The following ARHGEF10 variants were observed in gnomAD, a reference collection of about 807,000 sequenced individuals.
The protein encoded by ARHGEF10 is Rho guanine nucleotide exchange factor 10.
ARHGEF10 carries 140 observed loss-of-function variants against 147.4 expected under a neutral mutation model. The ratio of observed to expected loss-of-function variants is 0.95; its 90% CI spans 0.83 to 1.09. The LOEUF (loss-of-function observed/expected upper bound fraction) is 1.09. Among genes scored for constraint, ARHGEF10 ranks in the 50% least tolerant of loss-of-function variants. ARHGEF10 has a pLI of 0.00. For missense variants in ARHGEF10, 2,222 were observed against 1,752.7 expected (o/e 1.27, Z -4.78); for synonymous variants, 902 against 695.8 (o/e 1.30, Z -4.67).
At chr8:1,857,852 A>G in intron 2 of ARHGEF10, 108 bp from the exon 3 acceptor site, 1 of 1,060,006 alleles carries the variant, frequency 9.4e-7, no homozygotes. Context: ...GAACTTAGTC[A>G]GTGTCTCTGG....
At chr8:1,922,218 G>A (rs778892808) in intron 18 of ARHGEF10, among the ~76,000 whole-genome samples, 9 of 151,140 alleles carry the variant, frequency 6.0e-5, no homozygotes, top group Non-Finnish European at 8.8e-5. Flanking sequence ...CCCGGGACAC[G>A]CGTCGTTCCT....
At chr8:1,887,546 C>A (rs1293924208) in intron 11 of ARHGEF10, among the ~76,000 whole-genome samples, 2 of 134,620 alleles carry the variant, frequency 1.5e-5, no homozygotes, top group East Asian at 5.8e-4. Flanking sequence ...TGAGGAAACA[C>A]TGAGTTGGGT....
chr8:1,950,524 T>A (rs1814946741), intron 27 of ARHGEF10, among the ~76,000 whole-genome samples: 2 of 149,900 alleles, frequency 1.3e-5, no homozygotes, highest in South Asian at 4.2e-4. Context: ...TTTTTATTAT[T>A]TATTTATTTA....
At position 1,948,106 on chromosome 8, in the gene ARHGEF10, C is replaced by T. The variant is rs543456869; in HGVS notation, c.3397+2451C>T. 3.9e-5 allele frequency among the ~76,000 whole-genome samples: 6 copies of T among 152,150 alleles called. No homozygotes were observed. Among genetic ancestry groups the T allele is most frequent in the Admixed American group, 6.5e-5 (1 of 15,290 alleles). ...CACCCTTCAGCTCATAGTTTCCAGGCGGCCGATGATGGATCCATCCCAAGC... is the reference window on the plus strand; with the variant it reads ...CACCCTTCAGCTCATAGTTTCCAGGTGGCCGATGATGGATCCATCCCAAGC... On this transcript the variant is annotated intron_variant, in intron 27 of 28. Transcript: ENST00000349830. The surrounding 1 kb of genome is among the most constrained non-coding windows in gnomAD (Gnocchi z 4.9).
chr8:1,880,222 C>T (rs894168091), intron 9 of ARHGEF10, 58 bp downstream of exon 9: 309 of 1,241,074 alleles, frequency 2.5e-4, no homozygotes, highest in Middle Eastern at 7.2e-4. Flanking sequence ...AAAGAAAAAC[C>T]GCGCGGCTCG....
intron 9 of ARHGEF10, among the ~76,000 whole-genome samples, 156 bp downstream of exon 9, chr8:1,880,320 T>C (rs981419481): frequency 6.6e-6 from 1 of 152,244 alleles, no homozygotes; most frequent in African/African-American, 2.4e-5. Context: ...ACGTGGACTC[T>C]GAGACGCTCT....
intron 11 of ARHGEF10, among the ~76,000 whole-genome samples, 174 bp from the exon 12 acceptor site, chr8:1,893,395 T>C (rs748155093): frequency 6.6e-6 from 1 of 152,228 alleles, no homozygotes; most frequent in Non-Finnish European, 1.5e-5. Context: ...TATAATTGTA[T>C]TAATGGGGCG....
intron 4 of ARHGEF10, among the ~76,000 whole-genome samples, chr8:1,860,411 GC>G (rs1179700941): frequency 1.5e-5 from 2 of 130,686 alleles, no homozygotes; most frequent in African/African-American, 6.4e-5. Context: ...TCCTCTCCAT[GC>G]CCCCGATGTG....
chr8:1,954,677 C>G (rs547099929), intron 28 of ARHGEF10, among the ~76,000 whole-genome samples: 1 of 152,346 alleles, frequency 6.6e-6, no homozygotes, highest in South Asian at 2.1e-4. Flanking sequence ...GCCCTCTCTG[C>G]TCACAACCCT....
At chr8:1,843,641 C>T (rs903447423) in intron 2 of ARHGEF10, among the ~76,000 whole-genome samples, 3 of 152,334 alleles carry the variant, frequency 2.0e-5, no homozygotes, top group Non-Finnish European at 4.4e-5. Flanking sequence ...GAGCCTCTTG[C>T]GTTCCTCACA....
At chr8:1,854,027 G>C (rs944252261) in intron 2 of ARHGEF10, among the ~76,000 whole-genome samples, 1 of 152,228 alleles carries the variant, frequency 6.6e-6, no homozygotes. Flanking sequence ...GGACACAATT[G>C]AACCTGTCAG....
rs1334202625 is a variant in ARHGEF10, at chr8:1,840,505, A to ACTGTCCGGTGTGGAAT, written c.-47-2834_-47-2819dup. On this transcript the variant is annotated intron_variant, in intron 1 of 28. Transcript: ENST00000349830. ...TGTGTGGAAGCTGTCCGGTGTGGGG[A>ACTGTCCGGTGTGGAAT]CTGTCCGGTGTGGAATCTGTCCGGT... 4.9e-3 allele frequency among the ~76,000 whole-genome samples: 671 copies of ACTGTCCGGTGTGGAAT among 138,090 alleles called. 25 individuals are homozygous for ACTGTCCGGTGTGGAAT. The highest frequency in any genetic ancestry group is 0.018 in the African/African-American group (635 of 36,046). 90.6% of individuals were successfully genotyped at this position (138,090 alleles called of 152,430 possible).
In ARHGEF10 at chr8:1,905,603, A is replaced by G. The variant is rs1223298457; in HGVS notation, c.1854A>G (p.Arg618=). The G allele has an allele frequency of 1.1e-5, 17 of 1,614,108 alleles. No homozygotes were observed. Among genetic ancestry groups the G allele is most frequent in the Non-Finnish European group, 1.4e-5 (16 of 1,180,050 alleles). ...GCAGTGGAAGCCGATACCTCATTCG[A>G]TCAGATGATATGATAGAAACAGTTT... ...LLSSGSRYLI[R]SDDMIETVYN... is the part of the protein sequence containing the mutation. The change falls in exon 17 of 29, where the codon CGA becomes CGG. Residue 618 remains arginine (R), a synonymous_variant. Coordinates refer to ENST00000349830, the MANE Select transcript of ARHGEF10 (RefSeq NM_014629.4).
chr8:1,912,783 A>C (rs532875563), intron 18 of ARHGEF10, among the ~76,000 whole-genome samples: 3 of 152,216 alleles, frequency 2.0e-5, no homozygotes, highest in African/African-American at 7.2e-5. Context: ...TAAGCTCCCA[A>C]ACTCCCTGAT....
At chr8:1,946,220 C>T (rs950426392) in intron 27 of ARHGEF10, among the ~76,000 whole-genome samples, 3 of 152,230 alleles carry the variant, frequency 2.0e-5, no homozygotes, top group Non-Finnish European at 2.9e-5. Flanking sequence ...GCTTCTTTCA[C>T]GGGTAGCCGG....
intron 9 of ARHGEF10, among the ~76,000 whole-genome samples, chr8:1,881,543 G>A (rs78477042): frequency 0.024 from 3,679 of 152,316 alleles, 56 homozygotes; most frequent in African/African-American, 0.052. Flanking sequence ...TGTGGGGTTG[G>A]GAGATGCAGG....
chr8:1,933,655 C>G (rs1326880495), intron 25 of ARHGEF10, 145 bp from the exon 26 acceptor site: 2 of 1,104,306 alleles, frequency 1.8e-6, no homozygotes, highest in Non-Finnish European at 2.7e-6. Context: ...TTGTCGATCC[C>G]CAGACACAGC....
chr8:1,915,792 C>A (rs1473403082), intron 18 of ARHGEF10, among the ~76,000 whole-genome samples: 1 of 152,208 alleles, frequency 6.6e-6, no homozygotes, highest in African/African-American at 2.4e-5. Context: ...GAGGGATACC[C>A]ATATTTTCTA....
At chr8:1,865,952 G>C (rs1806569451) in intron 5 of ARHGEF10, among the ~76,000 whole-genome samples, 1 of 152,218 alleles carries the variant, frequency 6.6e-6, no homozygotes, top group African/African-American at 2.4e-5. Context: ...TGTGCAGTGA[G>C]TCTGACCTCA....
Sources: gnomAD v4.1 joint callset for allele counts (sites outside exome capture counted in the v4.1 genomes callset) on GRCh38, gnomAD v4.1.1 for gene constraint, Gnocchi (gnomAD v3.1) non-coding constraint, MANE v1.5 for transcripts, NCBI Gene and HGNC (gene_info 2026-07-23, HGNC 2026-07-21) for gene names.